Variants in MID1 observed in about 807,000 individuals in gnomAD.
MID1 encodes midline 1.
Under a neutral mutation model 40.4 loss-of-function variants are expected in MID1, and 7 were observed. The ratio of observed to expected loss-of-function variants is 0.17; its 90% CI spans 0.10 to 0.33. MID1 has a LOEUF of 0.33. Among genes scored for constraint, MID1 ranks in the 10% least tolerant of loss-of-function variants. MID1 has a pLI of 1.00. For synonymous variants in MID1, 229 were observed against 221.2 expected (o/e 1.04, Z -0.31); for missense variants, 367 against 558.5 (o/e 0.66, Z 3.46).
chrX:10,569,421 A>T (rs1487655659), intron 1 of MID1, among the ~76,000 whole-genome samples: 3 of 112,548 alleles, frequency 2.7e-5, no homozygotes, highest in Non-Finnish European at 3.8e-5. Context: ...TGTAAGAAAC[A>T]TATCATCCCC....
chrX:10,671,552 C>T (rs1033786261), intron 1 of MID1, among the ~76,000 whole-genome samples: 2 of 111,223 alleles, frequency 1.8e-5, no homozygotes, highest in African/African-American at 6.5e-5. Context: ...TGTTTCTGGC[C>T]GGTGTTCTAT....
intron 1 of MID1, among the ~76,000 whole-genome samples, chrX:10,613,722 TATATATATATAG>T (rs1158796029): frequency 1.4e-4 from 8 of 55,954 alleles, no homozygotes; most frequent in Admixed American, 4.1e-4. Context: ...TATATATATA[TATATATATATAG>T]AGAGAGAGAG....
chrX:10,668,099 C>T (rs979836431), intron 1 of MID1, among the ~76,000 whole-genome samples: 3 of 111,697 alleles, frequency 2.7e-5, no homozygotes, highest in African/African-American at 9.8e-5. Context: ...CCATTTATTA[C>T]ATCATTCTGT....
At chrX:10,686,133 ATG>A (rs1357893378) in intron 1 of MID1, among the ~76,000 whole-genome samples, 1 of 111,295 alleles carries the variant, frequency 9.0e-6, no homozygotes, top group Non-Finnish European at 1.9e-5. Context: ...GGGCATTGGG[ATG>A]TGAGTCACTA....
intron 1 of MID1, among the ~76,000 whole-genome samples, chrX:10,776,088 G>A (rs1026435882): frequency 1.2e-4 from 13 of 111,829 alleles, no homozygotes; most frequent in Admixed American, 1.0e-3. Flanking sequence ...CACAAAAAAA[G>A]CAATTCACCA....
At chrX:10,656,121 A>G (rs1445106582) in intron 1 of MID1, among the ~76,000 whole-genome samples, 1 of 112,286 alleles carries the variant, frequency 8.9e-6, no homozygotes, top group Admixed American at 9.4e-5. Context: ...ATTTTTTGCC[A>G]TTTGCAATCA....
At chrX:10,812,961 G>T (rs1230299814) in intron 1 of MID1, among the ~76,000 whole-genome samples, 1 of 111,255 alleles carries the variant, frequency 9.0e-6, no homozygotes, top group Non-Finnish European at 1.9e-5. Flanking sequence ...TTTCAAACCT[G>T]AATTGGCCTA....
chrX:10,809,950 T>TA (rs1344091190), intron 1 of MID1, among the ~76,000 whole-genome samples: 5 of 110,532 alleles, frequency 4.5e-5, no homozygotes, highest in Non-Finnish European at 9.5e-5. Flanking sequence ...TAAAATAAAA[T>TA]AAAAAAGAAG....
chrX:10,541,090 C>T, intron 2 of MID1, among the ~76,000 whole-genome samples: 1 of 112,297 alleles, frequency 8.9e-6, no homozygotes, highest in Non-Finnish European at 1.9e-5. Context: ...AGTCCAGTTA[C>T]TTGTCATACT....
At chrX:10,511,672 A>G (rs1009871701) in intron 3 of MID1, among the ~76,000 whole-genome samples, 1 of 112,328 alleles carries the variant, frequency 8.9e-6, no homozygotes, top group Admixed American at 9.5e-5. Flanking sequence ...TACAGGTGTG[A>G]GTCACTGCAC....
At chrX:10,494,109 G>T (rs1931101430) in intron 4 of MID1, among the ~76,000 whole-genome samples, 1 of 112,361 alleles carries the variant, frequency 8.9e-6, no homozygotes, top group African/African-American at 3.2e-5. Context: ...TTCGGCACAT[G>T]TGAGTCCTTG....
intron 1 of MID1, among the ~76,000 whole-genome samples, chrX:10,760,533 C>T (rs188409879): frequency 1.1e-3 from 127 of 111,808 alleles, no homozygotes; most frequent in Non-Finnish European, 2.0e-3. Context: ...TTGTCTTTGT[C>T]TTCAAAAAAC....
At chrX:10,607,482 G>C (rs531863514) in intron 1 of MID1, among the ~76,000 whole-genome samples, 1 of 112,040 alleles carries the variant, frequency 8.9e-6, no homozygotes. Flanking sequence ...TGCCAAAGTT[G>C]AGAAATCCTG....
chrX:10,594,957 A>G (rs1439721054), intron 1 of MID1, among the ~76,000 whole-genome samples: 1 of 112,013 alleles, frequency 8.9e-6, no homozygotes, highest in Non-Finnish European at 1.9e-5. Context: ...GCTTCCTTTG[A>G]ATTTCATTTT....
chrX:10,460,187 C>T (rs1406429203), intron 7 of MID1: 2 of 263,502 alleles, frequency 7.6e-6, no homozygotes, highest in Non-Finnish European at 1.4e-5. Flanking sequence ...TCTGTTGACC[C>T]TTTGTGTCTG....
chrX:10,814,576 G>GGTGT (rs60218622), intron 1 of MID1, among the ~76,000 whole-genome samples: 49 of 102,009 alleles, frequency 4.8e-4, no homozygotes, highest in South Asian at 1.9e-3. Flanking sequence ...TGCTTGTACT[G>GGTGT]GTGTGTGTGT....
intron 1 of MID1, among the ~76,000 whole-genome samples, chrX:10,773,042 A>G (rs1305327540): frequency 3.6e-5 from 4 of 111,940 alleles, no homozygotes; most frequent in Non-Finnish European, 5.6e-5. Context: ...CTGAAAGATA[A>G]CTGTAAATGA....
At chrX:10,790,707 C>G (rs1034601149) in intron 1 of MID1, among the ~76,000 whole-genome samples, 10 of 111,253 alleles carry the variant, frequency 9.0e-5, no homozygotes, top group Admixed American at 3.9e-4. Context: ...TGACCCACCT[C>G]TGAAAGTAGC....
At chrX:10,526,492 ACTTTT>A (rs1179681909) in intron 2 of MID1, among the ~76,000 whole-genome samples, 1 of 111,710 alleles carries the variant, frequency 9.0e-6, no homozygotes, top group Non-Finnish European at 1.9e-5. Context: ...ACTAGGGGAT[ACTTTT>A]CTTTTTGGCT....
Sources: gnomAD v4.1 joint callset for allele counts (sites outside exome capture counted in the v4.1 genomes callset) on GRCh38, gnomAD v4.1.1 for gene constraint, MANE v1.5 for transcripts, NCBI Gene and HGNC (gene_info 2026-07-23, HGNC 2026-07-21) for gene names.